The following CHRDL1 variants were observed in gnomAD, a reference collection of about 807,000 sequenced individuals.
CHRDL1 encodes the protein chordin-like protein 1.
CHRDL1 carries 19 observed loss-of-function variants against 40.9 expected under a neutral mutation model. The ratio of observed to expected loss-of-function variants is 0.46; its 90% confidence interval spans 0.32 to 0.68. CHRDL1 has a LOEUF of 0.68. Ranked by LOEUF, CHRDL1 falls within the 30% of genes least tolerant of loss-of-function variation. The pLI is 0.03. For missense variants in CHRDL1, 329 were observed against 352.1 expected (o/e 0.93, Z 0.53); for synonymous variants, 136 against 123.4 (o/e 1.10, Z -0.68).
intron 9 of CHRDL1, among the ~76,000 whole-genome samples, chrX:110,685,358 C>T (rs1338470942): frequency 1.8e-5 from 2 of 111,519 alleles, no homozygotes; most frequent in Non-Finnish European, 3.8e-5. Flanking sequence ...CCGGGCTCAA[C>T]CCATCCTCCC....
At chrX:110,739,054 C>T (rs1363654415) in intron 4 of CHRDL1, among the ~76,000 whole-genome samples, 1 of 111,706 alleles carries the variant, frequency 9.0e-6, no homozygotes, top group East Asian at 2.8e-4. Context: ...TGTCCAGAGG[C>T]CATGTGAATT....
intron 2 of CHRDL1, among the ~76,000 whole-genome samples, chrX:110,784,289 G>A (rs1311581575): frequency 2.7e-5 from 3 of 111,821 alleles, no homozygotes; most frequent in East Asian, 5.6e-4. Flanking sequence ...GCCTGCAGAC[G>A]CCAGAGAAAA....
chrX:110,739,155 C>T (rs752321953), intron 4 of CHRDL1, among the ~76,000 whole-genome samples: 3 of 112,162 alleles, frequency 2.7e-5, no homozygotes, highest in Non-Finnish European at 5.6e-5. Flanking sequence ...GCCGACAGTG[C>T]TCTGTAAGGG....
At chrX:110,727,586 T>C (rs1335178720) in intron 4 of CHRDL1, among the ~76,000 whole-genome samples, 2 of 111,927 alleles carry the variant, frequency 1.8e-5, no homozygotes, top group Non-Finnish European at 3.8e-5. Flanking sequence ...AAATAGACAG[T>C]TGACAGAAAT....
intron 2 of CHRDL1, among the ~76,000 whole-genome samples, chrX:110,771,640 T>G (rs142847954): frequency 7.7e-4 from 86 of 111,911 alleles, no homozygotes; most frequent in African/African-American, 2.5e-3. Flanking sequence ...CATCCATTCA[T>G]GACAGACAGT....
At chrX:110,686,494 A>T (rs915677572) in intron 9 of CHRDL1, among the ~76,000 whole-genome samples, 1 of 111,443 alleles carries the variant, frequency 9.0e-6, no homozygotes, top group Non-Finnish European at 1.9e-5. Context: ...TAGACCCCTG[A>T]CAGAAGAGAA....
At position 110,676,304 on chromosome X, in the gene CHRDL1, C is replaced by T. The variant is rs147906265; in HGVS notation, c.1304G>A (p.Arg435His). ...EAQISQMCSS[R>H]VCRTELEDLV... ...ATCTTCAAGCTCTGTTCTGCATACA[C>T]GACTTGAACACATCTGGCTGATCTG... Residue 435 changes from arginine (R) to histidine (H), a missense_variant, in exon 12 of 12, where the codon CGT becomes CAT. Coordinates refer to ENST00000372042, the MANE Select transcript of CHRDL1 (RefSeq NM_001143981.2). 1.9e-5 allele frequency: 23 copies of T among 1,206,699 alleles called. No homozygotes were observed. The African/African-American group carries it at 1.9e-4, about 10-fold the overall frequency.
chrX:110,704,168 G>A (rs1332993411), intron 6 of CHRDL1, among the ~76,000 whole-genome samples: 1 of 110,949 alleles, frequency 9.0e-6, no homozygotes, highest in East Asian at 2.8e-4. Context: ...TGCTTGAGGG[G>A]ATCGATACCC....
At chrX:110,717,988 T>A (rs992137458) in intron 6 of CHRDL1, among the ~76,000 whole-genome samples, 7 of 111,985 alleles carry the variant, frequency 6.3e-5, no homozygotes, top group Non-Finnish European at 1.1e-4. Context: ...CGGCTCCAAA[T>A]GTATTTCAAA....
intron 4 of CHRDL1, among the ~76,000 whole-genome samples, chrX:110,734,655 G>A (rs1335702815): frequency 1.8e-5 from 2 of 111,962 alleles, no homozygotes; most frequent in Non-Finnish European, 1.9e-5. Context: ...GCAGCAAAAC[G>A]TGAGGGCTAG....
rs2070143868 is a variant in CHRDL1 at position 110,689,582 on chromosome X, ATATATCTATATATCTATATATATC to A, written c.779-803_779-780del. 2.9e-4 allele frequency among the ~76,000 whole-genome samples: 2 copies of A among 6,986 alleles called. 1 individual carries two copies. The highest frequency in any genetic ancestry group is 4.3e-4 in the Non-Finnish European group (2 of 4,672). 6.1% of individuals were successfully genotyped at this position (6,986 alleles called of 115,157 possible). ...TATATCTATATATATCTATATATCT[ATATATCTATATATCTATATATATC>A]TATATATCTATATATCTATATATCT... On this transcript the variant is annotated intron_variant, in intron 8 of 11. Coordinates refer to ENST00000372042, the MANE Select transcript of CHRDL1 (RefSeq NM_001143981.2).
At chrX:110,710,320 TAGAA>T (rs1240158700) in intron 6 of CHRDL1, among the ~76,000 whole-genome samples, 1 of 111,895 alleles carries the variant, frequency 8.9e-6, no homozygotes, top group East Asian at 2.8e-4. Flanking sequence ...TTGAAGGAGT[TAGAA>T]AGAATAAGGT....
At chrX:110,762,550 T>C in intron 3 of CHRDL1, 145 bp downstream of exon 3, 1 of 414,342 alleles carries the variant, frequency 2.4e-6, no homozygotes, top group Non-Finnish European at 4.1e-6. Flanking sequence ...GTGCTGGGAT[T>C]ATAGGCGTGA....
At chrX:110,746,160 T>C (rs1170199824) in intron 4 of CHRDL1, among the ~76,000 whole-genome samples, 4 of 111,322 alleles carry the variant, frequency 3.6e-5, no homozygotes, top group Non-Finnish European at 7.5e-5. Flanking sequence ...GAAGTAACAC[T>C]ACAGCAATGG....
chrX:110,696,227 C>G (rs1430110708), intron 7 of CHRDL1, among the ~76,000 whole-genome samples: 2 of 111,456 alleles, frequency 1.8e-5, no homozygotes, highest in Non-Finnish European at 1.9e-5. Flanking sequence ...AGTTCTCTGA[C>G]TCATGATGGT....
intron 6 of CHRDL1, among the ~76,000 whole-genome samples, chrX:110,712,049 G>A (rs1276657412): frequency 8.9e-6 from 1 of 111,928 alleles, no homozygotes; most frequent in Non-Finnish European, 1.9e-5. Flanking sequence ...AGAGCTTTTT[G>A]TGACTGTGGC....
In CHRDL1 at chrX:110,736,345, G is replaced by C. The variant is rs59940823; in HGVS notation, c.302-14815C>G. Among the ~76,000 whole-genome samples the C allele has an allele frequency of 2.6e-4, 29 of 112,203 alleles. 3 individuals are homozygous for C. In the East Asian group the frequency reaches 8.1e-3, roughly 31 times the overall value. Reference sequence around the variant, plus strand: ...CTGGATTCTAAAGAACTCCACCATTGATTGCCATGGGATGGTGACAATTCC... The same window carrying C: ...CTGGATTCTAAAGAACTCCACCATTCATTGCCATGGGATGGTGACAATTCC... On this transcript the variant is annotated intron_variant, in intron 4 of 11. Transcript: ENST00000372042.
intron 2 of CHRDL1, among the ~76,000 whole-genome samples, chrX:110,784,823 A>G (rs961148118): frequency 8.0e-5 from 9 of 111,961 alleles, no homozygotes; most frequent in African/African-American, 2.9e-4. Context: ...GAGATTTTCC[A>G]TGAAATTTCA....
At chrX:110,787,240 C>A (rs1021915261) in intron 2 of CHRDL1, among the ~76,000 whole-genome samples, 2 of 111,118 alleles carry the variant, frequency 1.8e-5, no homozygotes, top group African/African-American at 6.6e-5. Context: ...ACAATGCTCA[C>A]GCTCATTATG....
Sources: gnomAD v4.1 joint callset for allele counts (sites outside exome capture counted in the v4.1 genomes callset) on GRCh38, gnomAD v4.1.1 for gene constraint, MANE v1.5 for transcripts, NCBI Gene and HGNC (gene_info 2026-07-23, HGNC 2026-07-21) for gene names.